The following SH3RF3 variants were observed in gnomAD, a reference collection of about 807,000 sequenced individuals.
SH3RF3 encodes the protein E3 ubiquitin-protein ligase SH3RF3.
Under a neutral mutation model 66.3 loss-of-function variants are expected in SH3RF3, and 29 were observed. The ratio of observed to expected loss-of-function variants is 0.44; its 90% CI spans 0.33 to 0.60. The LOEUF is 0.60. Ranked by LOEUF, SH3RF3 falls within the 20% of genes least tolerant of loss-of-function variation. SH3RF3 has a pLI of 0.04. For missense variants in SH3RF3, 1,194 were observed against 1,190.9 expected, an observed-to-expected ratio of 1.00 and a Z score of -0.04; for synonymous variants, 583 against 532.0, an observed-to-expected ratio of 1.10 and a Z score of -1.32.
At chr2:109,137,026 A>T (rs939233567) in intron 1 of SH3RF3, among the ~76,000 whole-genome samples, 1 of 152,248 alleles carries the variant, frequency 6.6e-6, no homozygotes, top group Non-Finnish European at 1.5e-5. Flanking sequence ...TACAGTGGAC[A>T]CTGGGGGCTC....
intron 8 of SH3RF3, among the ~76,000 whole-genome samples, chr2:109,480,811 CT>C (rs1678816067): frequency 6.6e-6 from 1 of 152,198 alleles, no homozygotes; most frequent in Non-Finnish European, 1.5e-5. Flanking sequence ...CTCCGGCTCT[CT>C]CTAGCTGGGA....
At chr2:109,360,948 G>T (rs952024435) in intron 2 of SH3RF3, among the ~76,000 whole-genome samples, 11 of 152,150 alleles carry the variant, frequency 7.2e-5, no homozygotes, top group African/African-American at 2.2e-4. Flanking sequence ...TCGTAATTAG[G>T]TGAACTGTAG....
intron 3 of SH3RF3, among the ~76,000 whole-genome samples, chr2:109,397,681 C>T (rs1676186489): frequency 6.6e-6 from 1 of 152,194 alleles, no homozygotes; most frequent in South Asian, 2.1e-4. Flanking sequence ...GGTACCTCCC[C>T]AGGCTGTGTA....
intron 1 of SH3RF3, among the ~76,000 whole-genome samples, chr2:109,272,796 G>A (rs990370874): frequency 2.0e-5 from 3 of 152,190 alleles, no homozygotes; most frequent in Non-Finnish European, 4.4e-5. Context: ...AACAGCCCCC[G>A]GTACTGCCGC....
At chr2:109,182,167 C>G (rs1049204786) in intron 1 of SH3RF3, among the ~76,000 whole-genome samples, 1 of 152,158 alleles carries the variant, frequency 6.6e-6, no homozygotes, top group Non-Finnish European at 1.5e-5. Flanking sequence ...AACTGGATAA[C>G]TTATAAACAA....
chr2:109,250,550 C>T (rs112882824), intron 1 of SH3RF3, among the ~76,000 whole-genome samples: 1 of 151,566 alleles, frequency 6.6e-6, no homozygotes, highest in African/African-American at 2.4e-5. Flanking sequence ...GACCGTTTTT[C>T]TTTTTCAAAA....
chr2:109,238,494 TGTGTGAGA>T (rs998630580), intron 1 of SH3RF3, among the ~76,000 whole-genome samples: 1 of 136,056 alleles, frequency 7.3e-6, no homozygotes, highest in African/African-American at 2.9e-5. Context: ...TGTGTGTGTG[TGTGTGAGA>T]GTGAGACAGA....
intron 1 of SH3RF3, among the ~76,000 whole-genome samples, chr2:109,143,685 T>C (rs1340660412): frequency 4.0e-5 from 6 of 151,702 alleles, no homozygotes; most frequent in Non-Finnish European, 2.9e-5. Flanking sequence ...GCCCAGGAGG[T>C]TGAGGCTGCA....
intron 1 of SH3RF3, among the ~76,000 whole-genome samples, chr2:109,320,227 T>TGGGGGCCAGAC (rs1681989720): frequency 6.6e-6 from 1 of 152,156 alleles, no homozygotes; most frequent in Admixed American, 6.5e-5. Context: ...AATTCCATTT[T>TGGGGGCCAGAC]TGAGGGCTGC....
At chr2:109,373,571 G>GT (rs1020683309) in intron 3 of SH3RF3, among the ~76,000 whole-genome samples, 2 of 151,350 alleles carry the variant, frequency 1.3e-5, no homozygotes, top group East Asian at 1.9e-4. Flanking sequence ...TGCCGTATGG[G>GT]TTTTTTTAGG....
At chr2:109,471,545 G>A (rs1479081275) in intron 8 of SH3RF3, among the ~76,000 whole-genome samples, 1 of 152,102 alleles carries the variant, frequency 6.6e-6, no homozygotes, top group African/African-American at 2.4e-5. Flanking sequence ...GATTTGAGTG[G>A]GGACACAGAG....
chr2:109,406,446 C>T (rs188736920), intron 4 of SH3RF3, among the ~76,000 whole-genome samples: 25 of 152,228 alleles, frequency 1.6e-4, no homozygotes, highest in Non-Finnish European at 3.1e-4. Context: ...AAGCAGCCCA[C>T]GTTCTCGGAG....
At chr2:109,344,476 G>A (rs376042773) in intron 1 of SH3RF3, among the ~76,000 whole-genome samples, 86 of 152,338 alleles carry the variant, frequency 5.6e-4, no homozygotes, top group African/African-American at 1.9e-3. Context: ...TGAGGCCAGC[G>A]TAGGGGACCT....
chr2:109,486,948 A>G (rs930971279), intron 8 of SH3RF3, among the ~76,000 whole-genome samples: 1 of 152,158 alleles, frequency 6.6e-6, no homozygotes, highest in African/African-American at 2.4e-5. Flanking sequence ...TCTCCCTGTG[A>G]GGCTGAACTG....
intron 9 of SH3RF3, among the ~76,000 whole-genome samples, chr2:109,495,244 C>G (rs905681463): frequency 6.6e-6 from 1 of 152,230 alleles, no homozygotes; most frequent in Non-Finnish European, 1.5e-5. Flanking sequence ...AGCAAATGCA[C>G]ATGGCATCAG....
intron 8 of SH3RF3, among the ~76,000 whole-genome samples, chr2:109,462,646 G>A (rs1678236643): frequency 6.6e-6 from 1 of 152,196 alleles, no homozygotes. Context: ...GCAGGTTAGT[G>A]GCTTCCACTG....
rs147129892 is a variant in SH3RF3, at chr2:109,221,151, A to G, written c.573+91038A>G. Among the ~76,000 whole-genome samples, 468 of 152,340 alleles carry G rather than the reference A, an allele frequency of 3.1e-3. 3 individuals carry two copies. The highest frequency in any genetic ancestry group is 0.011 in the African/African-American group (446 of 41,578). On this transcript the variant is annotated intron_variant, in intron 1 of 9. Coordinates refer to ENST00000309415, the MANE Select transcript of SH3RF3 (RefSeq NM_001099289.3). ...GCTGAGTGAAATAAGTGAGGTGCAT[A>G]CAAGTCATGCACAGAGGAACCATGG...
intron 8 of SH3RF3, among the ~76,000 whole-genome samples, chr2:109,465,139 C>T (rs1307491455): frequency 6.6e-6 from 1 of 152,338 alleles, no homozygotes; most frequent in Non-Finnish European, 1.5e-5. Flanking sequence ...CATGTCTTCT[C>T]ATAGATTAGT....
At chr2:109,366,350 G>A (rs1227775349) in intron 2 of SH3RF3, among the ~76,000 whole-genome samples, 2 of 152,248 alleles carry the variant, frequency 1.3e-5, no homozygotes, top group Non-Finnish European at 2.9e-5. Context: ...TGTGTAGTTA[G>A]TGAGGAAGAT....
Sources: gnomAD v4.1 joint callset for allele counts (sites outside exome capture counted in the v4.1 genomes callset) on GRCh38, gnomAD v4.1.1 for gene constraint, MANE v1.5 for transcripts, NCBI Gene and HGNC (gene_info 2026-07-23, HGNC 2026-07-21) for gene names.